The following IGSF9 variants were observed in gnomAD, a reference collection of about 807,000 sequenced individuals.
IGSF9 encodes protein turtle homolog A.
IGSF9 carries 87 observed loss-of-function variants against 121.7 expected under a neutral mutation model. The observed-to-expected ratio is 0.71, with a 90% CI of 0.60 to 0.85. The LOEUF is 0.85. Among genes scored for constraint, IGSF9 ranks in the 40% least tolerant of loss-of-function variants. IGSF9 has a pLI of 0.00. For synonymous variants in IGSF9, 640 were observed against 648.4 expected, an observed-to-expected ratio of 0.99 and a Z score of 0.20; for missense variants, 1,462 against 1,565.3, an observed-to-expected ratio of 0.93 and a Z score of 1.11.
rs1333278084 is a variant in IGSF9 at position 159,929,647 on chromosome 1, G to A, written c.2317C>T (p.Leu773Phe). 1 of 1,594,416 alleles carries A rather than the reference G, an allele frequency of 6.3e-7. No individual in the cohort carries two copies. The highest frequency in any genetic ancestry group is 8.5e-7 in the Non-Finnish European group (1 of 1,171,928). ...RRAARRRRKRLRQDPPLIFSP... is the reference protein window; with the variant it reads ...RRAARRRRKRFRQDPPLIFSP... ...GGGTGGAGGGACTTACCTTGGCGGA[G>A]GCGCTTGCGGCGGCGGCGGGCAGCC... The change falls in exon 17 of 21, where the codon CTC becomes TTC. Residue 773 changes from leucine to phenylalanine, a missense_variant. Leu to Phe is a conservative substitution (Grantham distance 22). This residue lies in a region of IGSF9 where 808 missense variants were observed against 815.2 expected (regional missense o/e 0.99). Coordinates refer to ENST00000368094, the MANE Select transcript of IGSF9 (RefSeq NM_001135050.2).
Position 159,927,842 on chromosome 1 carries a change from G to A in IGSF9, c.3276C>T (p.Phe1092=). 1.2e-6 allele frequency: 2 copies of A among 1,613,850 alleles called. No individual in the cohort carries two copies. The highest frequency in any genetic ancestry group is 2.2e-5 in the South Asian group (2 of 91,064). The change falls in exon 20 of 21, where the codon TTC becomes TTT. Residue 1092 remains phenylalanine (F), a synonymous_variant. Transcript: ENST00000368094. ...VDENYEWDSE[F]PGDMELLETL... is the part of the protein sequence containing the mutation. ...TCTCCAGCAATTCCATGTCCCCAGG[G>A]AATTCTGAGTCCCACTCATAGTTCT...
intron 3 of IGSF9, among the ~76,000 whole-genome samples, chr1:159,938,605 G>A (rs958762536): frequency 5.9e-5 from 9 of 152,190 alleles, no homozygotes; most frequent in Non-Finnish European, 8.8e-5. Context: ...ATGCAACTAT[G>A]CACCCCAGAC....
At position 159,936,432 on chromosome 1, in the gene IGSF9, T is replaced by C. The variant is rs1651187118; in HGVS notation, c.640A>G (p.Ser214Gly). Reference protein sequence around the residue: ...YTCQASSTEGSATHATQLLVL... With the variant: ...YTCQASSTEGGATHATQLLVL... ...AGCAGCTGGGTGGCGTGGGTGGCGCTGCCCTCAGTGCTGGAGGCTTGGCAG... is the reference window on the plus strand; with the variant it reads ...AGCAGCTGGGTGGCGTGGGTGGCGCCGCCCTCAGTGCTGGAGGCTTGGCAG... Residue 214 changes from serine (S) to glycine (G), a missense_variant, in exon 6 of 21, where the codon AGC (serine) becomes GGC (glycine). Ser to Gly is a moderately conservative substitution (Grantham distance 56). Coordinates refer to ENST00000368094, the MANE Select transcript of IGSF9 (RefSeq NM_001135050.2). 3 of 1,613,968 alleles carry C rather than the reference T, an allele frequency of 1.9e-6. No individual in the cohort carries two copies. The highest frequency in any genetic ancestry group is 2.7e-5 in the African/African-American group (2 of 74,936).
Position 159,943,129 on chromosome 1 carries a change from T to C in IGSF9, c.81A>G (p.Val27=), listed in dbSNP as rs1651455463. The C allele has an allele frequency of 1.3e-6, 2 of 1,597,030 alleles. No homozygotes were observed. The highest frequency in any genetic ancestry group is 2.7e-5 in the African/African-American group (2 of 73,780). The part of the protein sequence containing the change: ...GADGRGKPEV[V]SVVGRAGESV... Reference sequence around the variant, plus strand: ...TCTCCCCAGCCCGGCCCACCACCGATACCACCTCAGGCTTCCCTCGACCTG... The same window carrying C: ...TCTCCCCAGCCCGGCCCACCACCGACACCACCTCAGGCTTCCCTCGACCTG... The change falls in exon 3 of 21, where the codon GTA becomes GTG. Residue 27 remains valine (V), a synonymous_variant. Coordinates refer to ENST00000368094, the MANE Select transcript of IGSF9 (RefSeq NM_001135050.2).
chr1:159,929,159 G>A (rs1650877511), intron 18 of IGSF9, 141 bp from the exon 19 acceptor site: 10 of 1,322,380 alleles, frequency 7.6e-6, no homozygotes, highest in Non-Finnish European at 1.1e-5. Context: ...AGGTGGAGGG[G>A]TGGAGGGAAG....
intron 3 of IGSF9, among the ~76,000 whole-genome samples, chr1:159,939,315 A>C (rs1233000807): frequency 1.3e-5 from 2 of 151,750 alleles, no homozygotes; most frequent in African/African-American, 4.8e-5. Flanking sequence ...GCAGCCTCGA[A>C]CTCCTGGCCT....
chr1:159,944,292 T>C (rs1184057849), intron 1 of IGSF9, among the ~76,000 whole-genome samples: 1 of 152,152 alleles, frequency 6.6e-6, no homozygotes, highest in African/African-American at 2.4e-5. Flanking sequence ...TCAGTCTCCC[T>C]ACACTGCTTT....
chr1:159,943,570 C>G lies in IGSF9; in HGVS notation c.-116G>C. The G allele has an allele frequency of 2.1e-6, 2 of 956,814 alleles. No individual in the cohort carries two copies. The highest frequency in any genetic ancestry group is 1.5e-6 in the Non-Finnish European group (1 of 676,370). 59.3% of individuals were successfully genotyped at this position (956,814 alleles called of 1,614,324 possible). On this transcript the variant is annotated 5_prime_UTR_variant, in exon 2 of 21. Coordinates refer to ENST00000368094, the MANE Select transcript of IGSF9 (RefSeq NM_001135050.2). ...AGGTTTCAGCTCTCACTCTTCTGTA[C>G]AGTGAGGGCTTGGCTCATGTAACAC...
intron 1 of IGSF9, among the ~76,000 whole-genome samples, chr1:159,944,495 CCACT>C (rs1157010534): frequency 6.6e-6 from 1 of 152,174 alleles, no homozygotes; most frequent in African/African-American, 2.4e-5. Flanking sequence ...CAAATCCCTC[CCACT>C]CACTCCCCTC....
At position 159,936,885 on chromosome 1, in the gene IGSF9, G is replaced by A. The variant is rs1289830369; in HGVS notation, c.424C>T (p.Pro142Ser). 8 of 1,614,208 alleles carry A rather than the reference G, an allele frequency of 5.0e-6. No homozygotes were observed. The South Asian group carries it at 6.6e-5, about 13-fold the overall frequency. Residue 142 changes from proline (P) to serine (S), a missense_variant, in exon 5 of 21, where the codon CCT becomes TCT. This residue lies in a region of IGSF9 where 558 missense variants were observed against 599.4 expected (regional missense o/e 0.93). Transcript: ENST00000368094. ...TCCTGCACTTCCAACACAGCAGGAGGTGTCTCCTGGAATTGAGGGGGTGCT... is the reference window on the plus strand; with the variant it reads ...TCCTGCACTTCCAACACAGCAGGAGATGTCTCCTGGAATTGAGGGGGTGCT... ...VNSPPQFQET[P>S]PAVLEVQELE... is the part of the protein sequence containing the mutation.
rs1001687850 is a variant in IGSF9, at chr1:159,937,675, C to G, written c.400+11G>C. On this transcript the variant is annotated intron_variant, in intron 4 of 20. Transcript: ENST00000368094. ...CCGTCCTTCTCCACCACCTGCCCCC[C>G]AGCTTCATACAATTGACTGTCAGAT... 2 of 1,609,334 alleles carry G rather than the reference C, an allele frequency of 1.2e-6. No homozygotes were observed.
At position 159,932,673 on chromosome 1, in the gene IGSF9, C is replaced by T. The variant is rs975729970; in HGVS notation, c.1105-21G>A. Reference sequence around the variant, plus strand: ...GGGAACTGGAAGGAAGAGAAGATGACAGCTAGAGAGAGGAGCTCAGCAGAG... The same window carrying T: ...GGGAACTGGAAGGAAGAGAAGATGATAGCTAGAGAGAGGAGCTCAGCAGAG... On this transcript the variant is annotated intron_variant, in intron 9 of 20. Transcript: ENST00000368094. This position sits in a 1 kb window ranked among gnomAD's most constrained non-coding sequence, Gnocchi z 4.1. 6.3e-7 allele frequency: 1 copy of T among 1,599,332 alleles called. No homozygotes were observed. The highest frequency in any genetic ancestry group is 8.5e-7 in the Non-Finnish European group (1 of 1,170,486).
At position 159,928,984 on chromosome 1, in the gene IGSF9, C is replaced by A. The variant is rs373574698; in HGVS notation, c.2404G>T (p.Ala802Ser). 8.8e-5 allele frequency: 134 copies of A among 1,518,986 alleles called. No homozygotes were observed. Among genetic ancestry groups the A allele is most frequent in the Admixed American group, 1.3e-4 (6 of 45,302 alleles). 94.1% of individuals were successfully genotyped at this position (1,518,986 alleles called of 1,614,324 possible). A position where few individuals can be genotyped will look rare whatever the true frequency, so the allele number is the denominator to read the frequency against. The change falls in exon 19 of 21, where the codon GCG (alanine) becomes TCG (serine). Residue 802 changes from alanine to serine, a missense_variant. By Grantham distance (99) the Ala-to-Ser change is moderately conservative. This residue lies in a region of IGSF9 where 808 missense variants were observed against 815.2 expected (regional missense o/e 0.99). Coordinates refer to ENST00000368094, the MANE Select transcript of IGSF9 (RefSeq NM_001135050.2). Reference sequence around the variant, plus strand: ...GGGGATCCCTGGAGCTTCAGCTTCGCCACGCTGTCAGGACTGCCTGAGCCC... The same window carrying A: ...GGGGATCCCTGGAGCTTCAGCTTCGACACGCTGTCAGGACTGCCTGAGCCC... ...ALGSGSPDSV[A>S]KLKLQGSPVP...
chr1:159,927,939 G>C (rs1168016269), intron 19 of IGSF9, 52 bp from the exon 20 acceptor site: 8 of 1,586,062 alleles, frequency 5.0e-6, no homozygotes, highest in African/African-American at 1.4e-5. Flanking sequence ...AGGAATAGAG[G>C]CTGTTCAGAA....
chr1:159,935,493 G>C (rs1651153161), intron 6 of IGSF9, among the ~76,000 whole-genome samples: 1 of 152,168 alleles, frequency 6.6e-6, no homozygotes, highest in South Asian at 2.1e-4. Context: ...CCCCGGTCTG[G>C]AATGCCCCTC....
At chr1:159,935,721 G>A (rs558013847) in intron 6 of IGSF9, among the ~76,000 whole-genome samples, 1 of 152,348 alleles carries the variant, frequency 6.6e-6, no homozygotes, top group Admixed American at 6.5e-5. Flanking sequence ...AAGCTTTGTG[G>A]TGGGAATTGT....
Position 159,942,949 on chromosome 1 carries a change from A to G in IGSF9, c.247+14T>C. The G allele has an allele frequency of 6.2e-7, 1 of 1,608,500 alleles. No homozygotes were observed. Among genetic ancestry groups the G allele is most frequent in the Non-Finnish European group, 8.5e-7 (1 of 1,177,396 alleles). ...CTGATACCTCCCTACCTCCCACCTG[A>G]GGAGAACTCTTACCCACGTAATCAG... On this transcript the variant is annotated intron_variant, in intron 3 of 20. Coordinates refer to ENST00000368094, the MANE Select transcript of IGSF9 (RefSeq NM_001135050.2).
At position 159,931,715 on chromosome 1, in the gene IGSF9, C is replaced by A. The variant is rs1222082415; in HGVS notation, c.1362+97G>T. On this transcript the variant is annotated intron_variant, in intron 11 of 20. Transcript: ENST00000368094. This position sits in a 1 kb window ranked among gnomAD's most constrained non-coding sequence, Gnocchi z 4.8. ...TCCCCACCCTGCCTCTGACAGCCTTCTCCTTCCCACACCCTCCCTCCCACA... is the reference window on the plus strand; with the variant it reads ...TCCCCACCCTGCCTCTGACAGCCTTATCCTTCCCACACCCTCCCTCCCACA... The A allele has an allele frequency of 6.0e-6, 9 of 1,491,400 alleles. No individual in the cohort carries two copies. The highest frequency in any genetic ancestry group is 8.2e-6 in the Non-Finnish European group (9 of 1,092,548). The allele number at this position is 1,491,400 out of a possible 1,614,324, so 92.4% of individuals were successfully genotyped here. A position where few individuals can be genotyped will look rare whatever the true frequency, so the allele number is the denominator to read the frequency against.
rs773050518 is a variant in IGSF9 at position 159,929,704 on chromosome 1, T to C, written c.2260A>G (p.Ile754Val). 1.9e-6 allele frequency: 3 copies of C among 1,599,984 alleles called. No individual in the cohort carries two copies. The highest frequency in any genetic ancestry group is 2.6e-6 in the Non-Finnish European group (3 of 1,174,508). Residue 754 changes from isoleucine to valine, a missense_variant, in exon 17 of 21, where the codon ATC (isoleucine) becomes GTC (valine). This residue lies in a region of IGSF9 where 808 missense variants were observed against 815.2 expected (regional missense o/e 0.99). Transcript: ENST00000368094. ...CGGTTCAGGAGGCAGCCGGCCAGGA[T>C]GCTCACAAGGACGGCCACTCCCAGA... Reference protein sequence around the residue: ...CFLGVAVLVSILAGCLLNRRR... With the variant: ...CFLGVAVLVSVLAGCLLNRRR...
Sources: allele counts gnomAD v4.1 joint callset (sites outside exome capture counted in the v4.1 genomes callset), GRCh38; gene constraint gnomAD v4.1.1; regional missense constraint gnomAD v4.1.1; non-coding constraint Gnocchi (gnomAD v3.1); transcripts MANE v1.5; gene names NCBI Gene and HGNC (gene_info 2026-07-23, HGNC 2026-07-21).